The following SLC26A9 variants were observed in gnomAD, a reference collection of about 807,000 sequenced individuals.
The protein encoded by SLC26A9 is solute carrier family 26 member 9, also known as anion transporter/exchanger protein 9.
In SLC26A9, 46 loss-of-function variants were observed where a neutral mutation model predicts 87.1. The ratio of observed to expected loss-of-function variants is 0.53; its 90% CI spans 0.42 to 0.67. The LOEUF (loss-of-function observed/expected upper bound fraction) is 0.67, where lower values mean the gene tolerates loss of function less well. SLC26A9 is among the 30% of genes least tolerant of loss of function. The pLI, the probability that SLC26A9 is intolerant of heterozygous loss-of-function variation, is 0.00. For synonymous variants in SLC26A9, 437 were observed against 409.1 expected, an observed-to-expected ratio of 1.07 and a Z score of -0.82; for missense variants, 927 against 1,018.3, an observed-to-expected ratio of 0.91 and a Z score of 1.22.
rs747776673 is a variant in SLC26A9 at position 205,935,718 on chromosome 1, C to T, written c.103G>A (p.Glu35Lys). ...EKKDRTYPVG[E>K]KLRNAFRCSS... The stretch of plus-strand genomic sequence containing the variant: ...TACCTGAAGGCATTGCGAAGTTTCT[C>T]TCCCACTGGGTATGTCCGGTCCTTC... Residue 35 changes from glutamate (E) to lysine (K), a missense_variant, in exon 2 of 21, where the codon GAG becomes AAG. Coordinates refer to ENST00000367135, the MANE Select transcript of SLC26A9 (RefSeq NM_052934.4). The T allele has an allele frequency of 1.9e-6, 3 of 1,614,090 alleles. No individual in the cohort carries two copies. The East Asian group carries it at 6.7e-5, about 36-fold the overall frequency.
rs774930356 is a variant in SLC26A9 at position 205,927,949 on chromosome 1, C to G, written c.1054G>C (p.Gly352Arg). 1.8e-5 allele frequency: 29 copies of G among 1,614,060 alleles called. No homozygotes were observed. Among genetic ancestry groups the G allele is most frequent in the Admixed American group, 6.7e-5 (4 of 59,998 alleles). ...CCGTGCTTGTTGGCCAGGGTCCGGCCCATAGCCAGGTTGATGACGTAGCTC... is the reference window on the plus strand; with the variant it reads ...CCGTGCTTGTTGGCCAGGGTCCGGCGCATAGCCAGGTTGATGACGTAGCTC... ...IVSYVINLAM[G>R]RTLANKHGYD... The change falls in exon 9 of 21, where the codon GGC becomes CGC. Residue 352 changes from glycine (G) to arginine (R), a missense_variant. Gly to Arg is a moderately radical substitution (Grantham distance 125, BLOSUM62 -2). Coordinates refer to ENST00000367135, the MANE Select transcript of SLC26A9 (RefSeq NM_052934.4).
At chr1:205,934,314 A>T (rs1327672704) in intron 2 of SLC26A9, among the ~76,000 whole-genome samples, 1 of 152,190 alleles carries the variant, frequency 6.6e-6, no homozygotes, top group African/African-American at 2.4e-5. Flanking sequence ...ACGGGGGATA[A>T]ATTGCTTAAT....
intron 1 of SLC26A9, among the ~76,000 whole-genome samples, chr1:205,941,786 A>T (rs1420510202): frequency 6.6e-6 from 1 of 152,234 alleles, no homozygotes; most frequent in Non-Finnish European, 1.5e-5. Context: ...CCTAACAGCA[A>T]GACTGACAAG....
intron 2 of SLC26A9, 118 bp downstream of exon 2, chr1:205,935,578 T>A (rs1453157637): frequency 1.4e-6 from 2 of 1,467,600 alleles, no homozygotes; most frequent in Non-Finnish European, 1.8e-6. Context: ...GAACCTCACT[T>A]CCCCAGGGCT....
At chr1:205,931,259 A>C (rs1484874839) in intron 5 of SLC26A9, among the ~76,000 whole-genome samples, 1 of 152,204 alleles carries the variant, frequency 6.6e-6, no homozygotes, top group African/African-American at 2.4e-5. Context: ...CTGCAAGACT[A>C]TGCTGGCAGA....
chr1:205,915,549 C>A (rs59214290), intron 20 of SLC26A9, 145 bp from the exon 21 acceptor site: 15 of 841,394 alleles, frequency 1.8e-5, no homozygotes, highest in Middle Eastern at 3.8e-4. Context: ...TGTGTGTGTG[C>A]GAGAGTGTGT....
rs569161657 is a variant in SLC26A9 at position 205,933,104 on chromosome 1, AT to A, written c.126-21del. ...GAACATCTGGAAGGGAACGGGGAAA[AT>A]TTCCAGTCGGCTCTGCATGGCTTGG... On this transcript the variant is annotated intron_variant, in intron 2 of 20. Transcript: ENST00000367135. 169 of 1,614,070 alleles carry A rather than the reference AT, an allele frequency of 1.0e-4. 3 individuals carry two copies. In the South Asian group the frequency reaches 1.8e-3, roughly 17 times the overall value.
chr1:205,917,301 G>A lies in SLC26A9; in HGVS notation c.2310C>T (p.Ser770=). The A allele has an allele frequency of 1.2e-6, 2 of 1,613,916 alleles. No individual in the cohort carries two copies. Among genetic ancestry groups the A allele is most frequent in the Non-Finnish European group, 1.7e-6 (2 of 1,179,976 alleles). Residue 770 remains serine, a synonymous_variant, in exon 20 of 21, where the codon AGC becomes AGT. Transcript: ENST00000367135. The part of the protein sequence containing the change: ...SLYDSEEDIR[S]YWDLEQEMFG... ...AGCTCACCTGCTCTAAGTCCCAGTA[G>A]CTGCGAATGTCCTCCTCTGAGTCGT...
intron 16 of SLC26A9, 76 bp downstream of exon 16, chr1:205,923,006 G>A: frequency 7.1e-7 from 1 of 1,412,392 alleles, no homozygotes; most frequent in Non-Finnish European, 1.0e-6. Flanking sequence ...GGCCCCCAGG[G>A]TACCATGAGT....
intron 5 of SLC26A9, among the ~76,000 whole-genome samples, chr1:205,931,318 C>G (rs1659293805): frequency 6.6e-6 from 1 of 152,238 alleles, no homozygotes; most frequent in East Asian, 1.9e-4. Context: ...GAGTCTTTTA[C>G]AGGTTTAAAG....
intron 11 of SLC26A9, 73 bp from the exon 12 acceptor site, chr1:205,926,703 C>T (rs1659085175): frequency 1.6e-5 from 20 of 1,241,536 alleles, no homozygotes; most frequent in Non-Finnish European, 2.2e-5. Context: ...ATACCCGACC[C>T]CAAGGCCTGG....
chr1:205,915,641 A>G (rs1658563757), intron 20 of SLC26A9, among the ~76,000 whole-genome samples: 1 of 151,814 alleles, frequency 6.6e-6, no homozygotes, highest in Non-Finnish European at 1.5e-5. Context: ...CTACATGTGA[A>G]TCACCTCCTG....
chr1:205,923,336 T>C lies in SLC26A9; in HGVS notation c.1658A>G (p.Lys553Arg). Residue 553 changes from lysine to arginine, a missense_variant and splice_region_variant, in exon 15 of 21, where the codon AAG becomes AGG. Coordinates refer to ENST00000367135, the MANE Select transcript of SLC26A9 (RefSeq NM_052934.4). ...TGGTCGCCAGGGACTGAGCCTTACC[T>C]TGGCGATGACCTTTTGCCTGAAGAT... ...SEIFRQKVIA[K>R]TGMDPQKVLL... is the part of the protein sequence containing the mutation. 1 of 1,614,124 alleles carries C rather than the reference T, an allele frequency of 6.2e-7. No individual in the cohort carries two copies. Among genetic ancestry groups the C allele is most frequent in the Non-Finnish European group, 8.5e-7 (1 of 1,179,990 alleles).
intron 1 of SLC26A9, among the ~76,000 whole-genome samples, chr1:205,939,596 C>T (rs1481164018): frequency 6.6e-6 from 1 of 152,018 alleles, no homozygotes. Context: ...CCCCAGCCAG[C>T]CCTTCAGGTG....
At chr1:205,915,552 G>A in intron 20 of SLC26A9, 148 bp from the exon 21 acceptor site, 1 of 1,121,130 alleles carries the variant, frequency 8.9e-7, no homozygotes, top group South Asian at 1.5e-5. Flanking sequence ...GTGTGTGCGA[G>A]AGTGTGTGTG....
intron 1 of SLC26A9, among the ~76,000 whole-genome samples, chr1:205,938,181 G>T (rs1396658563): frequency 4.2e-5 from 6 of 141,708 alleles, no homozygotes; most frequent in African/African-American, 1.3e-4. Context: ...CCCCATCCTT[G>T]TTCCTGTCCT....
chr1:205,921,945 G>A (rs769725762), intron 16 of SLC26A9, 98 bp from the exon 17 acceptor site: 2 of 1,414,854 alleles, frequency 1.4e-6, no homozygotes, highest in East Asian at 2.5e-5. Flanking sequence ...AGGTGTAGGG[G>A]AATAACTCGC....
chr1:205,923,695 C>A, intron 13 of SLC26A9, 82 bp from the exon 14 acceptor site: 3 of 1,523,056 alleles, frequency 2.0e-6, no homozygotes, highest in Non-Finnish European at 9.1e-7. Context: ...GGGGCGGGGG[C>A]AGAGCCAAGG....
chr1:205,934,962 A>C (rs1659449432), intron 2 of SLC26A9, among the ~76,000 whole-genome samples: 1 of 152,202 alleles, frequency 6.6e-6, no homozygotes, highest in East Asian at 1.9e-4. Flanking sequence ...AGGTAACTGA[A>C]TCAGCCGTTT....
Sources: allele counts gnomAD v4.1 joint callset (sites outside exome capture counted in the v4.1 genomes callset), GRCh38; gene constraint gnomAD v4.1.1; transcripts MANE v1.5; gene names NCBI Gene and HGNC (gene_info 2026-07-23, HGNC 2026-07-21).